Variants in HSP90B1 observed in about 807,000 individuals in gnomAD.
HSP90B1 encodes the protein endoplasmin.
A neutral mutation model predicts 100.4 loss-of-function variants in HSP90B1; 27 were observed. That is an observed-to-expected ratio of 0.27 (90% CI 0.20 to 0.37). HSP90B1 has a LOEUF of 0.37. Among genes scored for constraint, HSP90B1 ranks in the 10% least tolerant of loss-of-function variants. The probability of loss-of-function intolerance (pLI) is 1.00; values close to 1 mark genes in which losing one functional copy is unlikely to be tolerated. For synonymous variants in HSP90B1, 304 were observed against 330.8 expected, an observed-to-expected ratio of 0.92 and a Z score of 0.88; for missense variants, 678 against 960.5, an observed-to-expected ratio of 0.71 and a Z score of 3.89.
At chr12:103,931,766 A>G (rs1266845602) in intron 2 of HSP90B1, 143 bp downstream of exon 2, 1 of 695,090 alleles carries the variant, frequency 1.4e-6, no homozygotes, top group Admixed American at 2.0e-5. Flanking sequence ...GTGTGCATAC[A>G]TACCTCCTAA....
chr12:103,935,146 A>G (rs930397147), intron 5 of HSP90B1, among the ~76,000 whole-genome samples: 1 of 152,238 alleles, frequency 6.6e-6, no homozygotes, highest in Non-Finnish European at 1.5e-5. Flanking sequence ...TTGTAGAGAT[A>G]AAGGGCTTAA....
chr12:103,941,329 G>A (rs1349104835), intron 8 of HSP90B1, 81 bp from the exon 9 acceptor site: 7 of 1,422,846 alleles, frequency 4.9e-6, no homozygotes, highest in Non-Finnish European at 6.7e-6. Context: ...AACTGAATAT[G>A]TACCACATAG....
At chr12:103,937,988 G>A (rs560187300) in intron 6 of HSP90B1, among the ~76,000 whole-genome samples, 182 bp downstream of exon 6, 3 of 152,148 alleles carry the variant, frequency 2.0e-5, no homozygotes, top group South Asian at 2.1e-4. Flanking sequence ...CCAACATGGC[G>A]AAACCCTGTC....
At chr12:103,931,973 C>T in intron 2 of HSP90B1, 1 of 449,096 alleles carries the variant, frequency 2.2e-6, no homozygotes, top group Non-Finnish European at 4.1e-6. Flanking sequence ...CCTCTTGGGA[C>T]TTATTGACAG....
At chr12:103,945,512 T>A (rs1870200353) in intron 14 of HSP90B1, among the ~76,000 whole-genome samples, 1 of 152,122 alleles carries the variant, frequency 6.6e-6, no homozygotes. Context: ...TCAGATAAAG[T>A]TAATTTTTCT....
chr12:103,932,700 C>T, intron 3 of HSP90B1, 126 bp from the exon 4 acceptor site: 1 of 686,168 alleles, frequency 1.5e-6, no homozygotes, highest in Non-Finnish European at 2.6e-6. Context: ...ACCTGAAGAT[C>T]ACTGTTAGGT....
chr12:103,931,464 G>A, intron 1 of HSP90B1, 57 bp from the exon 2 acceptor site: 1 of 1,381,964 alleles, frequency 7.2e-7, no homozygotes, highest in Non-Finnish European at 1.0e-6. Context: ...TTCCCTATTT[G>A]ATCATCCTCC....
chr12:103,947,384 A>T lies in HSP90B1; in HGVS notation c.2336A>T (p.Asp779Val), dbSNP rs1870268327. Residue 779 changes from aspartate (D) to valine (V), a missense_variant, in exon 17 of 18, where the codon GAT (aspartate) becomes GTT (valine). By Grantham distance (152) the Asp-to-Val change is radical (BLOSUM62 -3). Around this residue, in one of 8 missense-constraint regions of HSP90B1, gnomAD observed 65 missense variants for 65.1 expected, o/e 1.00. Transcript: ENST00000299767. ...ACAGAAGACACAGAGCAAGACGAAG[A>T]TGAAGAAATGGATGTGGGAACAGAT... ...DTTEDTEQDEDEEMDVGTDEE... is the reference protein window; with the variant it reads ...DTTEDTEQDEVEEMDVGTDEE... 1 of 1,611,310 alleles carries T rather than the reference A, an allele frequency of 6.2e-7. No individual in the cohort carries two copies. The highest frequency in any genetic ancestry group is 1.3e-5 in the African/African-American group (1 of 75,006).
In HSP90B1 at chr12:103,942,814, G is replaced by T. The variant is rs1870116709; in HGVS notation, c.1644+18G>T. The T allele has an allele frequency of 6.2e-7, 1 of 1,611,490 alleles. No homozygotes were observed. The highest frequency in any genetic ancestry group is 8.5e-7 in the Non-Finnish European group (1 of 1,178,430). The stretch of plus-strand genomic sequence containing the variant: ...GAAAAGAGGTGAGATGAACTCATAA[G>T]TGTTGTCAGCCATTCTGGAAGGTAG... On this transcript the variant is annotated intron_variant, in intron 12 of 17. Coordinates refer to ENST00000299767, the MANE Select transcript of HSP90B1 (RefSeq NM_003299.3).
intron 2 of HSP90B1, chr12:103,932,049 A>ATT (rs36044446): frequency 2.1e-3 from 875 of 412,038 alleles, no homozygotes; most frequent in South Asian, 9.9e-3. Context: ...GAAAGTTGGG[A>ATT]TTTTTTTTTT....
intron 12 of HSP90B1, 132 bp downstream of exon 12, chr12:103,942,928 C>A: frequency 7.0e-7 from 1 of 1,418,442 alleles, no homozygotes; most frequent in Non-Finnish European, 9.6e-7. Context: ...CAGTCACTGA[C>A]AGGAAGGTCA....
At chr12:103,935,965 G>A (rs1049727951) in intron 5 of HSP90B1, among the ~76,000 whole-genome samples, 6 of 152,210 alleles carry the variant, frequency 3.9e-5, no homozygotes, top group Admixed American at 6.5e-5. Flanking sequence ...TGCAGGGAAC[G>A]ATGGCTGCTA....
At chr12:103,942,178 A>G (rs1464437216) in intron 11 of HSP90B1, among the ~76,000 whole-genome samples, 1 of 152,246 alleles carries the variant, frequency 6.6e-6, no homozygotes, top group Non-Finnish European at 1.5e-5. Context: ...CAAGCCTTTC[A>G]TTAAACCTTT....
chr12:103,945,910 C>T (rs1285845229), intron 14 of HSP90B1, among the ~76,000 whole-genome samples: 2 of 151,364 alleles, frequency 1.3e-5, no homozygotes, highest in African/African-American at 4.9e-5. Flanking sequence ...ATAGTGATAC[C>T]CTGTCTCTAT....
At chr12:103,944,574 C>A (rs1018311774) in intron 14 of HSP90B1, among the ~76,000 whole-genome samples, 1 of 151,008 alleles carries the variant, frequency 6.6e-6, no homozygotes, top group Non-Finnish European at 1.5e-5. Flanking sequence ...TTTTTTCCCC[C>A]GAGACAGAGT....
intron 11 of HSP90B1, 148 bp downstream of exon 11, chr12:103,942,045 A>T (rs781336572): frequency 5.3e-5 from 34 of 637,018 alleles, no homozygotes; most frequent in Non-Finnish European, 8.6e-5. Flanking sequence ...TCAGATCCTA[A>T]GAATCTGATT....
chr12:103,944,357 C>T (rs1870165832), intron 14 of HSP90B1, among the ~76,000 whole-genome samples: 2 of 152,008 alleles, frequency 1.3e-5, no homozygotes, highest in Admixed American at 1.3e-4. Flanking sequence ...AACTCAAGGG[C>T]CTATACCTGG....
At chr12:103,931,009 G>A (rs531188367) in intron 1 of HSP90B1, among the ~76,000 whole-genome samples, 6 of 152,292 alleles carry the variant, frequency 3.9e-5, no homozygotes, top group Admixed American at 3.9e-4. Flanking sequence ...TGAGGCCTGG[G>A]GCCAGCGGAA....
In HSP90B1 at chr12:103,934,230, A is replaced by C. The variant is rs770564119; in HGVS notation, c.686A>C (p.Glu229Ala). The change falls in exon 5 of 18, where the codon GAA becomes GCA. Residue 229 changes from glutamate (E) to alanine (A), a missense_variant. Around this residue, in one of 8 missense-constraint regions of HSP90B1, gnomAD observed 238 missense variants for 346.7 expected, o/e 0.69. Transcript: ENST00000299767. ...TQHIWESDSNEFSVIADPRGN... is the reference protein window; with the variant it reads ...TQHIWESDSNAFSVIADPRGN... ...CACATCTGGGAGTCTGACTCCAATG[A>C]ATTTTCTGTAATTGCTGACCCAAGA... The C allele has an allele frequency of 1.9e-6, 3 of 1,614,218 alleles. No homozygotes were observed. The highest frequency in any genetic ancestry group is 2.2e-5 in the South Asian group (2 of 91,088).
Sources: gnomAD v4.1 joint callset for allele counts (sites outside exome capture counted in the v4.1 genomes callset) on GRCh38, gnomAD v4.1.1 for gene constraint, gnomAD v4.1.1 regional missense constraint, MANE v1.5 for transcripts, NCBI Gene and HGNC (gene_info 2026-07-23, HGNC 2026-07-21) for gene names.